WWTR1: variants seen among roughly 807,000 people sequenced by gnomAD.
WWTR1 encodes WW domain containing transcription regulator 1, also known as WW domain-containing transcription regulator protein 1.
Under a neutral mutation model 40.1 loss-of-function variants are expected in WWTR1, and 13 were observed. The observed-to-expected ratio is 0.32, with a 90% confidence interval of 0.21 to 0.52. The LOEUF (loss-of-function observed/expected upper bound fraction) is 0.52, where lower values mean the gene tolerates loss of function less well. WWTR1 is among the 20% of genes least tolerant of loss of function. The probability of loss-of-function intolerance (pLI) is 0.97; values close to 1 mark genes in which losing one functional copy is unlikely to be tolerated. For synonymous variants in WWTR1, 230 were observed against 210.1 expected, an observed-to-expected ratio of 1.09 and a Z score of -0.82; for missense variants, 436 against 523.1, an observed-to-expected ratio of 0.83 and a Z score of 1.63.
At chr3:149,538,101 C>G (rs9865791) in intron 4 of WWTR1, among the ~76,000 whole-genome samples, 125,247 of 151,908 alleles carry the variant, frequency 0.82, 52,424 homozygotes, top group Non-Finnish European at 0.89. Flanking sequence ...TGTATTTTTA[C>G]TAGAGACAGG....
chr3:149,673,273 A>G (rs1714154424), intron 1 of WWTR1, among the ~76,000 whole-genome samples: 1 of 152,182 alleles, frequency 6.6e-6, no homozygotes, highest in Admixed American at 6.5e-5. Context: ...AGAATTGACT[A>G]TCACTGGAAA....
intron 2 of WWTR1, among the ~76,000 whole-genome samples, chr3:149,616,946 C>T (rs60169709): frequency 0.023 from 3,529 of 152,158 alleles, 151 homozygotes; most frequent in African/African-American, 0.081. Flanking sequence ...GTAAATGTTG[C>T]TTTATGTGCA....
At chr3:149,621,610 T>A (rs1437542552) in intron 2 of WWTR1, among the ~76,000 whole-genome samples, 1 of 152,056 alleles carries the variant, frequency 6.6e-6, no homozygotes, top group East Asian at 1.9e-4. Context: ...AAAGAAAAAA[T>A]ACAGGAAGAG....
rs547876022 is a variant in WWTR1 at position 149,710,256 on chromosome 3, G to A, written n.585-6928C>T. Among the ~76,000 whole-genome samples the A allele has an allele frequency of 5.7e-4, 87 of 152,222 alleles. 1 individual carries two copies. The South Asian group carries it at 8.3e-3, about 15-fold the overall frequency. On this transcript the variant is annotated intron_variant and non_coding_transcript_variant, in intron 5 of 6. Transcript: ENST00000474080. ...AGCTGGGCTATATAAGCATTGTATC[G>A]TTTTGGGTCAGGTGTTCACCCAGGT...
upstream of WWTR1, among the ~76,000 whole-genome samples, chr3:149,706,346 T>G (rs2108227661): frequency 6.6e-6 from 1 of 152,284 alleles, no homozygotes; most frequent in Non-Finnish European, 1.5e-5. Context: ...GAGACAGAAT[T>G]TCACTCCTGT....
intron 2 of WWTR1, among the ~76,000 whole-genome samples, chr3:149,610,027 A>G (rs1391403487): frequency 6.6e-6 from 1 of 152,234 alleles, no homozygotes; most frequent in Non-Finnish European, 1.5e-5. Context: ...GGGCTCAGGC[A>G]GAAGAAAAGT....
intron 2 of WWTR1, among the ~76,000 whole-genome samples, chr3:149,588,423 A>C (rs949960774): frequency 6.6e-6 from 1 of 152,202 alleles, no homozygotes; most frequent in Non-Finnish European, 1.5e-5. Context: ...CTCCAAACCA[A>C]TACAAGTATG....
At chr3:149,672,134 AAAACAAACAAAC>A (rs528091796) in intron 1 of WWTR1, among the ~76,000 whole-genome samples, 20 of 152,134 alleles carry the variant, frequency 1.3e-4, no homozygotes, top group Admixed American at 2.6e-4. Flanking sequence ...AAAAAAACAA[AAAACAAACAAAC>A]AAACAAACAA....
At chr3:149,622,502 G>GAAGGAAGGAAGGAAGAAAGAAAAGAAAGA in intron 2 of WWTR1, among the ~76,000 whole-genome samples, 1 of 46,328 alleles carries the variant, frequency 2.2e-5, no homozygotes, top group African/African-American at 8.0e-5. Flanking sequence ...AGGAAGGAAG[G>GAAGGAAGGAAGGAAGAAAGAAAAGAAAGA]AAGAAAGAAA....
At chr3:149,628,992 G>T (rs926179552) in intron 2 of WWTR1, among the ~76,000 whole-genome samples, 1 of 151,878 alleles carries the variant, frequency 6.6e-6, no homozygotes, top group Non-Finnish European at 1.5e-5. Context: ...GGCTAGTCTC[G>T]AACTCCTGGG....
At chr3:149,713,921 C>G (rs1039409572) in intron 5 of WWTR1, among the ~76,000 whole-genome samples, 15 of 152,304 alleles carry the variant, frequency 9.8e-5, no homozygotes, top group Middle Eastern at 3.4e-3. Flanking sequence ...CTGCTCTGGA[C>G]CCTGGCCCCA....
At chr3:149,574,833 G>A (rs1033285292) in intron 2 of WWTR1, among the ~76,000 whole-genome samples, 3 of 150,160 alleles carry the variant, frequency 2.0e-5, no homozygotes, top group African/African-American at 4.9e-5. Context: ...GGTGGCTCAC[G>A]CCTCTAATCC....
chr3:149,597,713 A>G (rs1739063582), intron 2 of WWTR1, among the ~76,000 whole-genome samples: 1 of 152,228 alleles, frequency 6.6e-6, no homozygotes, highest in South Asian at 2.1e-4. Flanking sequence ...GCTAAGTTTA[A>G]AATATAAACT....
intron 5 of WWTR1, among the ~76,000 whole-genome samples, chr3:149,526,369 A>G (rs1735309805): frequency 6.6e-6 from 1 of 152,176 alleles, no homozygotes; most frequent in East Asian, 1.9e-4. Flanking sequence ...CCATTTGAAC[A>G]TTCTTCAACA....
At chr3:149,641,877 G>T (rs190318248) in intron 2 of WWTR1, among the ~76,000 whole-genome samples, 1 of 152,138 alleles carries the variant, frequency 6.6e-6, no homozygotes, top group Non-Finnish European at 1.5e-5. Context: ...GCTTTCCAAG[G>T]CCCAAAGCAC....
At position 149,518,057 on chromosome 3, in the gene WWTR1, A is replaced by C. The variant is rs973451320; in HGVS notation, c.*2748T>G. On this transcript the variant is annotated 3_prime_UTR_variant, in exon 7 of 7. Coordinates refer to ENST00000360632, the MANE Select transcript of WWTR1 (RefSeq NM_015472.6). ...ACACTTACAATAATAGGAAATAGCC[A>C]TTAAAAAGTTGCTCTAACTTTAGAT... 3 of 152,182 alleles carry C rather than the reference A, an allele frequency of 2.0e-5. No homozygotes were observed. Among genetic ancestry groups the C allele is most frequent in the African/African-American group, 7.2e-5 (3 of 41,468 alleles). The allele number at this position is 152,182 out of a possible 1,614,324, so 9.4% of individuals were successfully genotyped here.
chr3:149,718,200 G>A (rs1180397475), intron 4 of WWTR1, among the ~76,000 whole-genome samples: 1 of 152,018 alleles, frequency 6.6e-6, no homozygotes. Flanking sequence ...GTGACCTTAC[G>A]TTCTTTTTTT....
At position 149,606,255 on chromosome 3, in the gene WWTR1, T is replaced by C. The variant is rs61612632; in HGVS notation, c.432-33255A>G. Among the ~76,000 whole-genome samples, 1,205 of 152,302 alleles carry C rather than the reference T, an allele frequency of 7.9e-3. 19 individuals carry two copies. Among genetic ancestry groups the C allele is most frequent in the African/African-American group, 0.027 (1,124 of 41,568 alleles). ...AGTAGCCTGGACAGACTGAGAAACA[T>C]ACTAATTATTTCATGCATATGTATT... On this transcript the variant is annotated intron_variant, in intron 2 of 6. Coordinates refer to ENST00000360632, the MANE Select transcript of WWTR1 (RefSeq NM_015472.6).
At chr3:149,574,452 C>T (rs1391746706) in intron 2 of WWTR1, among the ~76,000 whole-genome samples, 1 of 152,150 alleles carries the variant, frequency 6.6e-6, no homozygotes, top group Non-Finnish European at 1.5e-5. Context: ...CCAGTCAGGC[C>T]CCCACCATTG....
Sources: gnomAD v4.1 joint callset for allele counts (sites outside exome capture counted in the v4.1 genomes callset) on GRCh38, gnomAD v4.1.1 for gene constraint, MANE v1.5 for transcripts, NCBI Gene and HGNC (gene_info 2026-07-23, HGNC 2026-07-21) for gene names.